Variants in UGT1A7 observed in about 807,000 individuals in gnomAD.
UGT1A7 encodes the protein UDP-glucuronosyltransferase 1A7.
Under a neutral mutation model 45.6 loss-of-function variants are expected in UGT1A7, and 33 were observed. The ratio of observed to expected loss-of-function variants is 0.72; its 90% confidence interval spans 0.55 to 0.97. The LOEUF (loss-of-function observed/expected upper bound fraction) is 0.97, where lower values mean the gene tolerates loss of function less well. Among genes scored for constraint, UGT1A7 ranks in the 50% least tolerant of loss-of-function variants. UGT1A7 has a pLI of 0.00. For missense variants in UGT1A7, 684 were observed against 666.2 expected (o/e 1.03, Z -0.29); for synonymous variants, 274 against 250.6 (o/e 1.09, Z -0.88).
At chr2:233,760,757 G>A (rs762472856) in intron 1 of UGT1A7, 14 of 1,613,946 alleles carry the variant, frequency 8.7e-6, no homozygotes, top group South Asian at 1.1e-5. Flanking sequence ...CTTCCTTGCA[G>A]CCCCATCGTG....
chr2:233,747,223 G>C, intron 1 of UGT1A7: 1 of 1,605,538 alleles, frequency 6.2e-7, no homozygotes, highest in Non-Finnish European at 8.5e-7. Context: ...GATGGCCACA[G>C]GACCCCAGGT....
intron 1 of UGT1A7, among the ~76,000 whole-genome samples, chr2:233,722,845 CT>C (rs61550889): frequency 0.025 from 3,404 of 135,242 alleles, 237 homozygotes; most frequent in African/African-American, 0.08. Context: ...AAGAATGTTT[CT>C]TTTTTTTTTT....
chr2:233,714,065 G>C (rs1559360185), intron 1 of UGT1A7, among the ~76,000 whole-genome samples: 1 of 152,156 alleles, frequency 6.6e-6, no homozygotes, highest in Non-Finnish European at 1.5e-5. Context: ...AGAGGAAGGA[G>C]AGGCAGGGAC....
intron 1 of UGT1A7, among the ~76,000 whole-genome samples, chr2:233,766,262 CCCGGG>C (rs2126023646): frequency 2.9e-5 from 2 of 68,082 alleles, no homozygotes; most frequent in East Asian, 5.0e-4. Flanking sequence ...CGCTCAGTGG[CCCGGG>C]CTCGGTGGCC....
At chr2:233,724,308 C>A (rs2077215136) in intron 1 of UGT1A7, among the ~76,000 whole-genome samples, 1 of 148,194 alleles carries the variant, frequency 6.7e-6, no homozygotes, top group African/African-American at 2.5e-5. Context: ...CACCTCCCTC[C>A]CGGACGGGGC....
intron 1 of UGT1A7, chr2:233,747,962 C>T (rs780665543): frequency 3.7e-6 from 6 of 1,613,470 alleles, no homozygotes; most frequent in Non-Finnish European, 4.2e-6. Context: ...ATCTTCTCAG[C>T]CATGCATCTG....
chr2:233,719,429 C>T (rs2076765385), intron 1 of UGT1A7: 1 of 1,613,996 alleles, frequency 6.2e-7, no homozygotes, highest in Non-Finnish European at 8.5e-7. Flanking sequence ...CCAATTCAGA[C>T]CACATGACAT....
rs754272342 is a variant in UGT1A7, at chr2:233,682,158, T to A, written c.221T>A (p.Val74Glu). 11 of 1,614,086 alleles carry A rather than the reference T, an allele frequency of 6.8e-6. No individual in the cohort carries two copies. Among genetic ancestry groups the A allele is most frequent in the Non-Finnish European group, 9.3e-6 (11 of 1,180,036 alleles). ...CTGGGAAGATCACTGAATTGCACAG[T>A]GAAGACTTACTCAACCTCATACACT... Reference protein sequence around the residue: ...WQLGRSLNCTVKTYSTSYTLE... With the variant: ...WQLGRSLNCTEKTYSTSYTLE... The change falls in exon 1 of 5, where the codon GTG (valine) becomes GAG (glutamate). Residue 74 changes from valine to glutamate, a missense_variant. Physicochemically the swap from Val to Glu is moderately radical, Grantham distance 121. Coordinates refer to ENST00000373426, the MANE Select transcript of UGT1A7 (RefSeq NM_019077.3).
intron 1 of UGT1A7, among the ~76,000 whole-genome samples, chr2:233,710,776 G>T (rs28898590): frequency 0.038 from 5,758 of 152,276 alleles, 135 homozygotes; most frequent in Non-Finnish European, 0.057. Context: ...GTCAATTTTA[G>T]CAAACGTTTT....
rs1178155998 is a variant in UGT1A7, at chr2:233,681,996, G to T, written c.59G>T (p.Cys20Phe). ...LPLYVCLLLT[C>F]GFAKAGKLLV... ...CTATATGTGTGTCTACTGCTGACCT[G>T]TGGCTTTGCCAAGGCAGGGAAGCTG... Residue 20 changes from cysteine (C) to phenylalanine (F), a missense_variant, in exon 1 of 5, where the codon TGT becomes TTT. By Grantham distance (205) the Cys-to-Phe change is radical. Coordinates refer to ENST00000373426, the MANE Select transcript of UGT1A7 (RefSeq NM_019077.3). 1 of 1,614,062 alleles carries T rather than the reference G, an allele frequency of 6.2e-7. No homozygotes were observed. Among genetic ancestry groups the T allele is most frequent in the South Asian group, 1.1e-5 (1 of 91,088 alleles).
At chr2:233,696,255 C>T (rs1042325119) in intron 1 of UGT1A7, among the ~76,000 whole-genome samples, 1 of 152,186 alleles carries the variant, frequency 6.6e-6, no homozygotes, top group Non-Finnish European at 1.5e-5. Flanking sequence ...AAGCACACAT[C>T]AGTGAATGAA....
intron 1 of UGT1A7, chr2:233,721,912 C>A: frequency 2.3e-6 from 1 of 427,588 alleles, no homozygotes; most frequent in Non-Finnish European, 4.7e-6. Flanking sequence ...GTGCACACTG[C>A]TTCCATAAAG....
At chr2:233,735,047 G>A (rs1460443849) in intron 1 of UGT1A7, among the ~76,000 whole-genome samples, 1 of 152,202 alleles carries the variant, frequency 6.6e-6, no homozygotes, top group Non-Finnish European at 1.5e-5. Context: ...GTGCAGAGCT[G>A]AGTTCAGGTC....
At chr2:233,706,188 C>T (rs1428405421) in intron 1 of UGT1A7, among the ~76,000 whole-genome samples, 1 of 152,206 alleles carries the variant, frequency 6.6e-6, no homozygotes, top group East Asian at 1.9e-4. Flanking sequence ...TCTGCCCAGG[C>T]TGCTCCTCCA....
At chr2:233,760,776 C>G in intron 1 of UGT1A7, 1 of 1,613,940 alleles carries the variant, frequency 6.2e-7, no homozygotes, top group Non-Finnish European at 8.5e-7. Context: ...TGGCCCAGTA[C>G]CTGTCTCTGC....
intron 1 of UGT1A7, among the ~76,000 whole-genome samples, chr2:233,759,797 C>T (rs1216409236): frequency 1.3e-5 from 2 of 152,262 alleles, no homozygotes; most frequent in East Asian, 3.9e-4. Flanking sequence ...ACACATGATA[C>T]AAGTGAGCAG....
At chr2:233,698,282 G>T (rs866181850) in intron 1 of UGT1A7, among the ~76,000 whole-genome samples, 47 of 151,926 alleles carry the variant, frequency 3.1e-4, no homozygotes, top group African/African-American at 1.1e-3. Flanking sequence ...TCAACACTAT[G>T]AAAAAAAATG....
At position 233,729,852 on chromosome 2, in the gene UGT1A7, G is replaced by A. The variant is rs774381589; in HGVS notation, c.856-37182G>A. On this transcript the variant is annotated intron_variant, in intron 1 of 4. Transcript: ENST00000373426. ...TTGCCTCTGAGCTTTTTCAGAGAGAGGTGTCAGTGGTGGATATTCTCAGTC... is the reference window on the plus strand; with the variant it reads ...TTGCCTCTGAGCTTTTTCAGAGAGAAGTGTCAGTGGTGGATATTCTCAGTC... The A allele has an allele frequency of 4.3e-6, 7 of 1,613,776 alleles. No homozygotes were observed. In the African/African-American group the frequency reaches 9.3e-5, roughly 22 times the overall value.
intron 1 of UGT1A7, among the ~76,000 whole-genome samples, chr2:233,711,009 T>C (rs2076157997): frequency 2.0e-5 from 3 of 152,234 alleles, no homozygotes; most frequent in African/African-American, 2.4e-5. Context: ...GATGCCTTTT[T>C]CTATCTCTGA....
Sources: gnomAD v4.1 joint callset for allele counts (sites outside exome capture counted in the v4.1 genomes callset) on GRCh38, gnomAD v4.1.1 for gene constraint, MANE v1.5 for transcripts, NCBI Gene and HGNC (gene_info 2026-07-23, HGNC 2026-07-21) for gene names.